Variants in SETBP1 observed in about 807,000 individuals in gnomAD.
SETBP1 encodes SET binding protein 1.
SETBP1 carries 9 observed loss-of-function variants against 101.0 expected under a neutral mutation model. The ratio of observed to expected loss-of-function variants is 0.09; its 90% CI spans 0.05 to 0.16. SETBP1 has a LOEUF of 0.16. Ranked by LOEUF, SETBP1 falls within the 10% of genes least tolerant of loss-of-function variation. SETBP1 has a pLI of 1.00. For missense variants in SETBP1, 1,858 were observed against 2,033.8 expected (o/e 0.91, Z 1.66); for synonymous variants, 818 against 788.5 (o/e 1.04, Z -0.63).
intron 2 of SETBP1, among the ~76,000 whole-genome samples, chr18:44,834,211 C>A (rs60790886): frequency 0.011 from 1,662 of 152,238 alleles, 32 homozygotes; most frequent in African/African-American, 0.038. Context: ...TTCAGTTTCA[C>A]CTTGCACACA....
chr18:45,031,409 C>T (rs2073295408), intron 4 of SETBP1, among the ~76,000 whole-genome samples: 1 of 152,086 alleles, frequency 6.6e-6, no homozygotes, highest in African/African-American at 2.4e-5. Context: ...CTTTAATCCA[C>T]ACAACAACGT....
intron 4 of SETBP1, among the ~76,000 whole-genome samples, chr18:45,028,777 T>C (rs1282637904): frequency 3.3e-5 from 5 of 152,358 alleles, no homozygotes; most frequent in Admixed American, 2.6e-4. Context: ...GTGAGCATTT[T>C]TTCATGTGTT....
chr18:44,822,894 G>T (rs62090599), intron 2 of SETBP1, among the ~76,000 whole-genome samples: 8,815 of 152,276 alleles, frequency 0.058, 346 homozygotes, highest in East Asian at 0.13. Flanking sequence ...GCTCACACCT[G>T]TACTTTGGGA....
At chr18:44,685,493 G>T (rs1264423211) in intron 1 of SETBP1, among the ~76,000 whole-genome samples, 2 of 152,204 alleles carry the variant, frequency 1.3e-5, no homozygotes, top group East Asian at 3.9e-4. Context: ...CTGTGGCAAA[G>T]TGTGAAGAGC....
intron 4 of SETBP1, among the ~76,000 whole-genome samples, chr18:45,030,358 A>T (rs1282774080): frequency 0.021 from 2,687 of 127,082 alleles, 70 homozygotes; most frequent in African/African-American, 0.084. Flanking sequence ...CCAGGGATGA[A>T]GCCCACTTGA....
At chr18:44,810,114 C>T (rs1291427510) in intron 2 of SETBP1, among the ~76,000 whole-genome samples, 1 of 152,198 alleles carries the variant, frequency 6.6e-6, no homozygotes, top group Non-Finnish European at 1.5e-5. Context: ...GTACCCTTTT[C>T]TTCATTTCTC....
chr18:44,823,508 A>G lies in SETBP1; in HGVS notation c.487-45722A>G, dbSNP rs546873469. 3.0e-4 allele frequency among the ~76,000 whole-genome samples: 45 copies of G among 152,306 alleles called. No homozygotes were observed. The East Asian group carries it at 8.1e-3, about 27-fold the overall frequency. The stretch of plus-strand genomic sequence containing the variant: ...CTAGCTCTATCATTTGGTGCTGAAA[A>G]CACTTGCTCTGTGATGAGGACTCAC... On this transcript the variant is annotated intron_variant, in intron 2 of 5. Coordinates refer to ENST00000649279, the MANE Select transcript of SETBP1 (RefSeq NM_015559.3).
At position 45,065,491 on chromosome 18, in the gene SETBP1, G is replaced by A. The variant is rs954268616; in HGVS notation, c.*1793G>A. 1 of 152,230 alleles carries A rather than the reference G, an allele frequency of 6.6e-6. No homozygotes were observed. The highest frequency in any genetic ancestry group is 6.5e-5 in the Admixed American group (1 of 15,280). 9.4% of individuals were successfully genotyped at this position (152,230 alleles called of 1,614,324 possible). On this transcript the variant is annotated 3_prime_UTR_variant, in exon 6 of 6. Transcript: ENST00000649279. ...CGGAACACAATATTACTTCCTTAGA[G>A]AGAGATGGATTTTTGTTGGCAACAT...
chr18:45,060,183 C>T (rs983204536), intron 5 of SETBP1, among the ~76,000 whole-genome samples: 2 of 152,124 alleles, frequency 1.3e-5, no homozygotes, highest in Non-Finnish European at 2.9e-5. Context: ...TTTTCTGTAT[C>T]ATACACTGAG....
chr18:44,901,996 G>A (rs2144834643), intron 3 of SETBP1, among the ~76,000 whole-genome samples: 1 of 152,250 alleles, frequency 6.6e-6, no homozygotes, highest in South Asian at 2.1e-4. Flanking sequence ...GCTCATGTCT[G>A]TCTAGAGCTG....
At chr18:44,787,745 T>TGG (rs900715486) in intron 2 of SETBP1, among the ~76,000 whole-genome samples, 2 of 142,988 alleles carry the variant, frequency 1.4e-5, no homozygotes, top group African/African-American at 5.2e-5. Context: ...TCCCAGCTAC[T>TGG]GGGGAGGCTG....
chr18:44,973,662 G>T (rs1231667486), intron 4 of SETBP1, among the ~76,000 whole-genome samples: 1 of 152,212 alleles, frequency 6.6e-6, no homozygotes. Context: ...TAGAAAAAGA[G>T]CTGATAAAGG....
intron 3 of SETBP1, among the ~76,000 whole-genome samples, chr18:44,926,149 G>A (rs1455802812): frequency 6.6e-6 from 1 of 152,118 alleles, no homozygotes; most frequent in African/African-American, 2.4e-5. Flanking sequence ...GCTCACTGCA[G>A]CCTTGAACTC....
At chr18:44,931,048 T>A (rs1425097226) in intron 3 of SETBP1, among the ~76,000 whole-genome samples, 1 of 152,214 alleles carries the variant, frequency 6.6e-6, no homozygotes, top group Non-Finnish European at 1.5e-5. Context: ...CAATTTTAGA[T>A]CTTTCCTGCT....
intron 3 of SETBP1, among the ~76,000 whole-genome samples, chr18:44,910,138 G>T (rs188836071): frequency 6.6e-6 from 1 of 152,144 alleles, no homozygotes; most frequent in African/African-American, 2.4e-5. Context: ...GCCGAGACAT[G>T]CCTCTTCCTC....
At chr18:44,685,008 T>G (rs1161883515) in intron 1 of SETBP1, among the ~76,000 whole-genome samples, 1 of 152,162 alleles carries the variant, frequency 6.6e-6, no homozygotes, top group Non-Finnish European at 1.5e-5. Context: ...TCCTACCCTG[T>G]TCATAGCAAA....
rs886053790 is a variant in SETBP1 at position 44,950,261 on chromosome 18, G to T, written c.921G>T (p.Glu307Asp). Residue 307 changes from glutamate to aspartate, a missense_variant, in exon 4 of 6, where the codon GAG (glutamate) becomes GAT (aspartate). Transcript: ENST00000649279. ...CAGCCCCACCCAGCAGCTCTGCTGA[G>T]TGCAACGGGCTTCAGCCCTTGGTGG... is the stretch of plus-strand genomic sequence containing the variant. ...SSPAPPSSSA[E>D]CNGLQPLVDQ... 6.2e-7 allele frequency: 1 copy of T among 1,614,046 alleles called. No individual in the cohort carries two copies. Among genetic ancestry groups the T allele is most frequent in the Non-Finnish European group, 8.5e-7 (1 of 1,180,038 alleles).
At chr18:44,715,750 TA>T (rs1329883664) in intron 2 of SETBP1, among the ~76,000 whole-genome samples, 1 of 152,220 alleles carries the variant, frequency 6.6e-6, no homozygotes, top group African/African-American at 2.4e-5. Context: ...CGTTGCTAAT[TA>T]AACTTTTCCA....
intron 2 of SETBP1, among the ~76,000 whole-genome samples, chr18:44,853,006 T>C (rs368782408): frequency 3.9e-5 from 6 of 152,348 alleles, no homozygotes; most frequent in East Asian, 3.9e-4. Context: ...AAGAGTCCTC[T>C]GGGCTGGTGG....
Sources: gnomAD v4.1 joint callset for allele counts (sites outside exome capture counted in the v4.1 genomes callset) on GRCh38, gnomAD v4.1.1 for gene constraint, MANE v1.5 for transcripts, NCBI Gene and HGNC (gene_info 2026-07-23, HGNC 2026-07-21) for gene names.